The following INTS8 variants were observed in gnomAD, a reference collection of about 807,000 sequenced individuals.
INTS8 encodes integrator complex subunit 8, also known as protein kaonashi-1.
A neutral mutation model predicts 138.9 loss-of-function variants in INTS8; 47 were observed. The ratio of observed to expected loss-of-function variants is 0.34; its 90% CI spans 0.27 to 0.43. The LOEUF (loss-of-function observed/expected upper bound fraction) is 0.43, where lower values mean the gene tolerates loss of function less well. Ranked by LOEUF, INTS8 falls within the 20% of genes least tolerant of loss-of-function variation. INTS8 has a pLI of 1.00. For missense variants in INTS8, 996 were observed against 1,173.0 expected (o/e 0.85, Z 2.20); for synonymous variants, 392 against 400.9 (o/e 0.98, Z 0.27).
chr8:94,878,284 T>C (rs1276422248), intron 26 of INTS8, among the ~76,000 whole-genome samples: 1 of 152,202 alleles, frequency 6.6e-6, no homozygotes, highest in African/African-American at 2.4e-5. Context: ...TTTTTAGACT[T>C]TCCTGTTTAA....
Position 94,825,032 on chromosome 8 carries a change from A to G in INTS8, c.270A>G (p.Ala90=). 6.2e-7 allele frequency: 1 copy of G among 1,611,804 alleles called. No homozygotes were observed. Among genetic ancestry groups the G allele is most frequent in the East Asian group, 2.2e-5 (1 of 44,822 alleles). The change falls in exon 2 of 27, where the codon GCA becomes GCG. Residue 90 remains alanine (A), a synonymous_variant. Coordinates refer to ENST00000523731, the MANE Select transcript of INTS8 (RefSeq NM_017864.4). The part of the protein sequence containing the change: ...ILKLLALKVA[A]HLKWDLDILE... ...AACTACTTGCTCTTAAAGTTGCTGC[A>G]CATTTGAAGTGGGACTTAGACATAT...
At chr8:94,847,599 T>C (rs1815377833) in intron 10 of INTS8, among the ~76,000 whole-genome samples, 1 of 152,158 alleles carries the variant, frequency 6.6e-6, no homozygotes, top group African/African-American at 2.4e-5. Flanking sequence ...TAAGAAGTTA[T>C]TTTCTAAGGA....
Position 94,853,894 on chromosome 8 carries a change from T to C in INTS8, c.1731T>C (p.Gly577=). ...TGGTTTATATTCTTATGGCCAAAGG[T>C]TTGCACTGCAGTACTGTTAAGGTGA... ...RDLVYILMAK[G]LHCSTVKDFS... Residue 577 remains glycine, a synonymous_variant, in exon 14 of 27, where the codon GGT becomes GGC. Transcript: ENST00000523731. The C allele has an allele frequency of 6.3e-7, 1 of 1,597,252 alleles. No homozygotes were observed. The highest frequency in any genetic ancestry group is 8.6e-7 in the Non-Finnish European group (1 of 1,164,744).
At position 94,873,260 on chromosome 8, in the gene INTS8, C is replaced by G. The variant is rs1009099102; in HGVS notation, c.2534-114C>G. ...ACGAACTAACATTTTATTTCTAGTT[C>G]TGTGGTTTGAATCTGCTTTTGTTAA... is the stretch of plus-strand genomic sequence containing the variant. On this transcript the variant is annotated intron_variant, in intron 21 of 26. Transcript: ENST00000523731. The G allele has an allele frequency of 5.1e-6, 4 of 785,284 alleles. No homozygotes were observed. In the African/African-American group the frequency reaches 6.8e-5, roughly 13 times the overall value. The allele number at this position is 785,284 out of a possible 1,614,324, so 48.6% of individuals were successfully genotyped here.
rs770463171 is a variant in INTS8 at position 94,838,633 on chromosome 8, G to A, written c.1017+15G>A. On this transcript the variant is annotated intron_variant, in intron 8 of 26. Coordinates refer to ENST00000523731, the MANE Select transcript of INTS8 (RefSeq NM_017864.4). ...GCAACTATCAGGTAAGGTGTATGAG[G>A]GGGATGCAGTGAAGTTTTGGAAGCC... The A allele has an allele frequency of 1.0e-4, 167 of 1,591,532 alleles. No individual in the cohort carries two copies. The highest frequency in any genetic ancestry group is 1.4e-4 in the Non-Finnish European group (161 of 1,163,630).
chr8:94,871,379 G>A (rs1436050369), intron 20 of INTS8, among the ~76,000 whole-genome samples: 2 of 151,916 alleles, frequency 1.3e-5, no homozygotes, highest in African/African-American at 2.4e-5. Flanking sequence ...TCAGGAGGCC[G>A]AGGCAGAGGA....
Position 94,859,588 on chromosome 8 carries a change from C to T in INTS8, c.2032C>T (p.Leu678Phe), listed in dbSNP as rs371784399. The change falls in exon 16 of 27, where the codon CTC becomes TTC. Residue 678 changes from leucine to phenylalanine, a missense_variant. Leu to Phe is a conservative substitution (Grantham distance 22, BLOSUM62 0). Transcript: ENST00000523731. Reference sequence around the variant, plus strand: ...CTGGAGAGAAAATGAATACCTTACACTCCAAGTTCCTGCATTTTTGCTTCA... The same window carrying T: ...CTGGAGAGAAAATGAATACCTTACATTCCAAGTTCCTGCATTTTTGCTTCA... ...LNWRENEYLT[L>F]QVPAFLLQSN... 1.2e-5 allele frequency: 20 copies of T among 1,612,088 alleles called. No individual in the cohort carries two copies. The highest frequency in any genetic ancestry group is 1.5e-5 in the Non-Finnish European group (18 of 1,178,448).
intron 10 of INTS8, 35 bp downstream of exon 10, chr8:94,842,523 A>C (rs769557189): frequency 2.6e-6 from 4 of 1,560,528 alleles, no homozygotes; most frequent in East Asian, 4.5e-5. Context: ...TTTGATTTAT[A>C]ATTTGCTTTA....
chr8:94,879,563 C>A (rs1816710031), intron 26 of INTS8, among the ~76,000 whole-genome samples: 1 of 151,178 alleles, frequency 6.6e-6, no homozygotes, highest in Non-Finnish European at 1.5e-5. Context: ...CCATTGCACT[C>A]CAACCTGGGC....
intron 7 of INTS8, 82 bp from the exon 8 acceptor site, chr8:94,838,381 A>G: frequency 8.4e-7 from 1 of 1,193,752 alleles, no homozygotes; most frequent in Non-Finnish European, 1.2e-6. Flanking sequence ...ATTTCCTTGT[A>G]CTGTTAAAAC....
chr8:94,829,060 C>G lies in INTS8; in HGVS notation c.570+34C>G, dbSNP rs748305646. On this transcript the variant is annotated intron_variant, in intron 5 of 26. Transcript: ENST00000523731. ...TGGCATCAGTTACACAGTAACACTT[C>G]AGGAACAACTTTAGAGCAGCAGTTC... 4.0e-6 allele frequency: 6 copies of G among 1,495,014 alleles called. No individual in the cohort carries two copies. In the Admixed American group the frequency reaches 9.1e-5, roughly 23 times the overall value. The allele number at this position is 1,495,014 out of a possible 1,614,324, so 92.6% of individuals were successfully genotyped here. A position where few individuals can be genotyped will look rare whatever the true frequency, so the allele number is the denominator to read the frequency against.
At chr8:94,837,126 C>A (rs927805861) in intron 7 of INTS8, among the ~76,000 whole-genome samples, 1 of 152,198 alleles carries the variant, frequency 6.6e-6, no homozygotes, top group African/African-American at 2.4e-5. Flanking sequence ...ACATTACTTT[C>A]CAGGTACATT....
Position 94,876,199 on chromosome 8 carries a change from G to A in INTS8, c.2763-22G>A, listed in dbSNP as rs1453028571. 3 of 1,607,590 alleles carry A rather than the reference G, an allele frequency of 1.9e-6. No homozygotes were observed. The Admixed American group carries it at 5.0e-5, about 27-fold the overall frequency. Reference sequence around the variant, plus strand: ...AGGTCAACATTTTTCTGCTTAAGAAGTAACTGAATTCTGTCTTTCAGTCAT... The same window carrying A: ...AGGTCAACATTTTTCTGCTTAAGAAATAACTGAATTCTGTCTTTCAGTCAT... On this transcript the variant is annotated intron_variant, in intron 24 of 26. Coordinates refer to ENST00000523731, the MANE Select transcript of INTS8 (RefSeq NM_017864.4).
At chr8:94,844,974 G>A (rs143855731) in intron 10 of INTS8, among the ~76,000 whole-genome samples, 7 of 151,268 alleles carry the variant, frequency 4.6e-5, no homozygotes, top group African/African-American at 1.7e-4. Context: ...GGCTGGGCTC[G>A]AACTGTTGAG....
chr8:94,831,949 A>T (rs1814733930), intron 5 of INTS8, 43 bp from the exon 6 acceptor site: 1 of 1,481,798 alleles, frequency 6.7e-7, no homozygotes, highest in African/African-American at 1.4e-5. Context: ...TATTATAATC[A>T]GTTGCTATTT....
chr8:94,866,186 T>C lies in INTS8; in HGVS notation c.2290T>C (p.Leu764=), dbSNP rs776037328. ...RSELLSFIKK[L]REPLVLTIIL... ...TGAACTGCTTTCTTTTATCAAAAAA[T>C]TACGAGTAAGTTTTATTAAAAATTG... Residue 764 remains leucine, a synonymous_variant, in exon 18 of 27, where the codon TTA becomes CTA. Transcript: ENST00000523731. 2.2e-6 allele frequency: 3 copies of C among 1,334,530 alleles called. No homozygotes were observed. The highest frequency in any genetic ancestry group is 4.7e-5 in the East Asian group (2 of 42,532). 82.7% of individuals were successfully genotyped at this position (1,334,530 alleles called of 1,614,324 possible). A position where few individuals can be genotyped will look rare whatever the true frequency, so the allele number is the denominator to read the frequency against.
intron 5 of INTS8, among the ~76,000 whole-genome samples, chr8:94,830,660 A>AC (rs1288938209): frequency 1.3e-5 from 2 of 151,756 alleles, no homozygotes; most frequent in African/African-American, 4.8e-5. Context: ...ACCACACTAG[A>AC]CTAATTTTTG....
At chr8:94,830,600 C>T (rs779996524) in intron 5 of INTS8, among the ~76,000 whole-genome samples, 5 of 152,100 alleles carry the variant, frequency 3.3e-5, no homozygotes, top group Non-Finnish European at 7.4e-5. Flanking sequence ...CAGCCTCAAG[C>T]GATCCTCCCA....
intron 26 of INTS8, among the ~76,000 whole-genome samples, chr8:94,879,616 A>C (rs1466540672): frequency 2.7e-5 from 3 of 111,144 alleles, no homozygotes; most frequent in Non-Finnish European, 5.5e-5. Context: ...AAAAACAAAC[A>C]AAAAAAAACC....
Sources: gnomAD v4.1 joint callset for allele counts (sites outside exome capture counted in the v4.1 genomes callset) on GRCh38, gnomAD v4.1.1 for gene constraint, MANE v1.5 for transcripts, NCBI Gene and HGNC (gene_info 2026-07-23, HGNC 2026-07-21) for gene names.